The following MALRD1 variants were observed in gnomAD, a reference collection of about 807,000 sequenced individuals.
The protein encoded by MALRD1 is MAM and LDL receptor class A domain containing 1, also known as MAM and LDL-receptor class A domain-containing protein 1.
In MALRD1, 247 loss-of-function variants were observed where a neutral mutation model predicts 242.1. That is an observed-to-expected ratio of 1.02 (90% CI 0.92 to 1.13). The LOEUF (loss-of-function observed/expected upper bound fraction) is 1.13, where lower values mean the gene tolerates loss of function less well. MALRD1 is among the 50% of genes most tolerant of loss of function. The pLI, the probability that MALRD1 is intolerant of heterozygous loss-of-function variation, is 0.00. For synonymous variants in MALRD1, 995 were observed against 866.6 expected (o/e 1.15, Z -2.60); for missense variants, 2,989 against 2,533.1 (o/e 1.18, Z -3.86).
chr10:19,191,724 G>A (rs746924367), intron 14 of MALRD1, among the ~76,000 whole-genome samples: 4 of 152,152 alleles, frequency 2.6e-5, no homozygotes, highest in Admixed American at 6.5e-5. Context: ...ATGGCCGGGT[G>A]CGGTTACTCA....
chr10:19,340,669 C>A (rs936290078), intron 24 of MALRD1, among the ~76,000 whole-genome samples: 2 of 152,086 alleles, frequency 1.3e-5, no homozygotes, highest in Non-Finnish European at 2.9e-5. Flanking sequence ...AAAAAATCAA[C>A]CAAACTCTTA....
intron 36 of MALRD1, among the ~76,000 whole-genome samples, chr10:19,652,225 A>G (rs1589361972): frequency 6.6e-6 from 1 of 152,210 alleles, no homozygotes; most frequent in African/African-American, 2.4e-5. Flanking sequence ...CAATTTTATC[A>G]TACAAGGTTG....
chr10:19,687,148 AAAAC>A (rs1175953025), intron 36 of MALRD1, among the ~76,000 whole-genome samples: 2 of 152,188 alleles, frequency 1.3e-5, no homozygotes, highest in African/African-American at 4.8e-5. Flanking sequence ...TCTTGACGTT[AAAAC>A]AAACAAGCAT....
intron 32 of MALRD1, among the ~76,000 whole-genome samples, chr10:19,560,392 C>T (rs904110176): frequency 2.0e-5 from 3 of 152,078 alleles, no homozygotes; most frequent in African/African-American, 4.8e-5. Flanking sequence ...CACTTGAACC[C>T]AGGAGGCAGA....
intron 32 of MALRD1, among the ~76,000 whole-genome samples, chr10:19,538,804 T>G (rs1834801137): frequency 6.6e-6 from 1 of 152,206 alleles, no homozygotes; most frequent in East Asian, 1.9e-4. Flanking sequence ...AAAAAAAAGC[T>G]ACTTTCTAAA....
chr10:19,133,580 G>A (rs1247340463), intron 8 of MALRD1, among the ~76,000 whole-genome samples: 1 of 151,938 alleles, frequency 6.6e-6, no homozygotes, highest in Non-Finnish European at 1.5e-5. Context: ...TTTTTGAAAC[G>A]CAGTACTGTT....
chr10:19,493,374 C>T (rs1837573387), intron 30 of MALRD1: 2 of 152,082 alleles, frequency 1.3e-5, no homozygotes, highest in African/African-American at 4.8e-5. Flanking sequence ...ACAATCAACA[C>T]ATCTTAAGAC....
At chr10:19,324,643 A>G (rs1456699710) in intron 22 of MALRD1, among the ~76,000 whole-genome samples, 2 of 150,670 alleles carry the variant, frequency 1.3e-5, no homozygotes, top group African/African-American at 2.4e-5. Flanking sequence ...AATGTCCCCT[A>G]TAGAAAAAAA....
chr10:19,357,244 AAC>A (rs542781517), intron 26 of MALRD1, among the ~76,000 whole-genome samples: 275 of 152,274 alleles, frequency 1.8e-3, no homozygotes, highest in African/African-American at 5.5e-3. Flanking sequence ...ATGTATCTGA[AAC>A]ACAGTTTCCT....
intron 31 of MALRD1, among the ~76,000 whole-genome samples, chr10:19,511,188 A>G (rs900592163): frequency 2.6e-5 from 4 of 152,224 alleles, no homozygotes; most frequent in Non-Finnish European, 2.9e-5. Flanking sequence ...TTTATTTTAC[A>G]TTGAAAATTG....
chr10:19,236,915 G>C (rs894599863), intron 18 of MALRD1, among the ~76,000 whole-genome samples: 2 of 151,918 alleles, frequency 1.3e-5, no homozygotes, highest in African/African-American at 4.8e-5. Flanking sequence ...CAGTCTTAAG[G>C]CTGAGTCAAG....
At chr10:19,607,318 C>T (rs916769175) in intron 34 of MALRD1, among the ~76,000 whole-genome samples, 1 of 152,160 alleles carries the variant, frequency 6.6e-6, no homozygotes, top group Non-Finnish European at 1.5e-5. Flanking sequence ...CCAAGATCAA[C>T]GTGTAGGCAG....
intron 19 of MALRD1, among the ~76,000 whole-genome samples, chr10:19,273,852 T>A (rs1364289949): frequency 6.6e-6 from 1 of 152,110 alleles, no homozygotes; most frequent in African/African-American, 2.4e-5. Context: ...AACAAAAAGA[T>A]ATGCCAGTGT....
At chr10:19,585,925 C>G (rs1272457919) in intron 33 of MALRD1, among the ~76,000 whole-genome samples, 3 of 152,272 alleles carry the variant, frequency 2.0e-5, no homozygotes, top group Admixed American at 6.5e-5. Flanking sequence ...TTGCTCGTTT[C>G]TTTTTATTCT....
At chr10:19,457,263 G>A (rs1248679600) in intron 29 of MALRD1, among the ~76,000 whole-genome samples, 1 of 152,164 alleles carries the variant, frequency 6.6e-6, no homozygotes, top group Non-Finnish European at 1.5e-5. Flanking sequence ...GGAGGTAAAA[G>A]CAGTCACACA....
chr10:19,563,092 T>G (rs1291092300), intron 32 of MALRD1, among the ~76,000 whole-genome samples: 1 of 152,200 alleles, frequency 6.6e-6, no homozygotes, highest in East Asian at 1.9e-4. Flanking sequence ...AACCAGAGAC[T>G]GCAAGTCTGT....
chr10:19,110,507 A>T (rs369053078), intron 5 of MALRD1, among the ~76,000 whole-genome samples: 3 of 152,232 alleles, frequency 2.0e-5, no homozygotes. Flanking sequence ...GTAAATAATT[A>T]AAGTGTCGTC....
intron 2 of MALRD1, among the ~76,000 whole-genome samples, chr10:19,086,056 C>G (rs536584340): frequency 1.3e-5 from 2 of 151,976 alleles, no homozygotes; most frequent in Non-Finnish European, 2.9e-5. Context: ...CACCATGATA[C>G]CCGCTCTTCA....
At chr10:19,190,819 T>A (rs2131584301) in intron 14 of MALRD1, among the ~76,000 whole-genome samples, 1 of 152,098 alleles carries the variant, frequency 6.6e-6, no homozygotes, top group African/African-American at 2.4e-5. Flanking sequence ...AATCAATCCA[T>A]AAACTAAATA....
Sources: gnomAD v4.1 joint callset for allele counts (sites outside exome capture counted in the v4.1 genomes callset) on GRCh38, gnomAD v4.1.1 for gene constraint, MANE v1.5 for transcripts, NCBI Gene and HGNC (gene_info 2026-07-23, HGNC 2026-07-21) for gene names.